NRG3: variants seen among roughly 807,000 people sequenced by gnomAD.
The protein encoded by NRG3 is pro-neuregulin-3, membrane-bound isoform.
A neutral mutation model predicts 66.9 loss-of-function variants in NRG3; 31 were observed. That is an observed-to-expected ratio of 0.46 (90% CI 0.35 to 0.63). NRG3 has a LOEUF of 0.63. Ranked by LOEUF, NRG3 falls within the 20% of genes least tolerant of loss-of-function variation. The pLI is 0.00. For missense variants in NRG3, 910 were observed against 878.9 expected (o/e 1.04, Z -0.45); for synonymous variants, 393 against 359.4 (o/e 1.09, Z -1.06).
At chr10:82,029,213 TA>T (rs1295107081) in intron 1 of NRG3, among the ~76,000 whole-genome samples, 1 of 151,526 alleles carries the variant, frequency 6.6e-6, no homozygotes, top group African/African-American at 2.4e-5. Context: ...CATCTCAAAA[TA>T]AAAAAAAGAA....
At chr10:82,802,089 G>C (rs1239047903) in intron 3 of NRG3, among the ~76,000 whole-genome samples, 1 of 152,178 alleles carries the variant, frequency 6.6e-6, no homozygotes, top group African/African-American at 2.4e-5. Context: ...GTAAAAGAAT[G>C]GGCTGAATCC....
chr10:82,102,755 C>G (rs925899685), intron 1 of NRG3, among the ~76,000 whole-genome samples: 1 of 151,800 alleles, frequency 6.6e-6, no homozygotes, highest in Non-Finnish European at 1.5e-5. Flanking sequence ...CAAACAAAAT[C>G]GGGATGCCTT....
chr10:81,985,579 C>T (rs2060489761), intron 1 of NRG3, among the ~76,000 whole-genome samples: 1 of 152,146 alleles, frequency 6.6e-6, no homozygotes, highest in Admixed American at 6.5e-5. Context: ...ATTATTAATG[C>T]AGGGAGAGAG....
At chr10:81,963,125 C>CT (rs777026850) in intron 1 of NRG3, among the ~76,000 whole-genome samples, 4,995 of 70,030 alleles carry the variant, frequency 0.071, 1,421 homozygotes, top group East Asian at 0.35. Flanking sequence ...CACGAGGGCT[C>CT]TTTTTTTTTT....
chr10:82,501,024 A>C (rs1844129859), intron 2 of NRG3, among the ~76,000 whole-genome samples: 1 of 152,074 alleles, frequency 6.6e-6, no homozygotes, highest in African/African-American at 2.4e-5. Flanking sequence ...TAAGAGGGAA[A>C]ATTAATAAAT....
At chr10:82,043,364 A>C (rs2063130718) in intron 1 of NRG3, among the ~76,000 whole-genome samples, 1 of 152,098 alleles carries the variant, frequency 6.6e-6, no homozygotes, top group Non-Finnish European at 1.5e-5. Flanking sequence ...GTTGGCTCAG[A>C]ATAAAACTTT....
intron 3 of NRG3, among the ~76,000 whole-genome samples, chr10:82,819,452 G>A (rs985619524): frequency 1.3e-5 from 2 of 152,184 alleles, no homozygotes; most frequent in Non-Finnish European, 2.9e-5. Flanking sequence ...AAGAGAAGCA[G>A]CAAAGCCAGC....
chr10:82,921,728 T>G (rs947893710), intron 4 of NRG3, among the ~76,000 whole-genome samples: 1 of 152,174 alleles, frequency 6.6e-6, no homozygotes, highest in East Asian at 1.9e-4. Context: ...AATAAATATG[T>G]GAGAAAATTC....
At chr10:82,894,714 A>G (rs1426516090) in intron 4 of NRG3, among the ~76,000 whole-genome samples, 2 of 152,122 alleles carry the variant, frequency 1.3e-5, no homozygotes, top group South Asian at 2.1e-4. Flanking sequence ...ATCAGGCTCC[A>G]TAAGTTTTGC....
intron 5 of NRG3, among the ~76,000 whole-genome samples, 177 bp downstream of exon 5, chr10:82,951,748 A>G (rs1418462170): frequency 6.6e-6 from 1 of 152,234 alleles, no homozygotes; most frequent in East Asian, 1.9e-4. Context: ...AGGCATGTAC[A>G]TGCATGTATG....
At chr10:81,876,926 A>T (rs1231941665) in intron 1 of NRG3, among the ~76,000 whole-genome samples, 5 of 151,810 alleles carry the variant, frequency 3.3e-5, no homozygotes, top group African/African-American at 1.2e-4. Context: ...CTGACGAAGG[A>T]GGAGTTTTTT....
intron 3 of NRG3, among the ~76,000 whole-genome samples, chr10:82,820,472 T>TA (rs1670831858): frequency 1.3e-5 from 2 of 152,204 alleles, no homozygotes; most frequent in African/African-American, 4.8e-5. Context: ...AGATATCTCT[T>TA]ATGTTTATAT....
At chr10:82,591,326 A>G (rs2046970767) in intron 2 of NRG3, among the ~76,000 whole-genome samples, 1 of 152,196 alleles carries the variant, frequency 6.6e-6, no homozygotes, top group Non-Finnish European at 1.5e-5. Flanking sequence ...TGAAATGGGG[A>G]AAAAATGATA....
intron 2 of NRG3, among the ~76,000 whole-genome samples, chr10:82,383,449 G>A (rs2085760764): frequency 6.6e-6 from 1 of 151,170 alleles, no homozygotes. Context: ...ATTTTCTTTA[G>A]CATTGACTCA....
chr10:82,926,312 T>C (rs1385379031), intron 4 of NRG3, among the ~76,000 whole-genome samples: 1 of 152,180 alleles, frequency 6.6e-6, no homozygotes, highest in Admixed American at 6.5e-5. Flanking sequence ...TAAGAGACTT[T>C]AGTAGCCTTC....
chr10:82,456,863 G>A (rs1348958913), intron 2 of NRG3, among the ~76,000 whole-genome samples: 1 of 152,142 alleles, frequency 6.6e-6, no homozygotes, highest in Non-Finnish European at 1.5e-5. Flanking sequence ...TGCTGAGGAA[G>A]GAAGCCTTTC....
chr10:82,203,131 A>G (rs2074932033), intron 1 of NRG3, among the ~76,000 whole-genome samples: 1 of 152,154 alleles, frequency 6.6e-6, no homozygotes, highest in Non-Finnish European at 1.5e-5. Context: ...CATGTGTAGG[A>G]CGGATTATAG....
At chr10:82,665,178 G>A (rs544032015) in intron 2 of NRG3, among the ~76,000 whole-genome samples, 1 of 152,198 alleles carries the variant, frequency 6.6e-6, no homozygotes, top group East Asian at 1.9e-4. Flanking sequence ...TTCAGAGAAG[G>A]CTGATTTCTA....
chr10:82,596,372 G>A (rs1254354476), intron 2 of NRG3, among the ~76,000 whole-genome samples: 2 of 152,190 alleles, frequency 1.3e-5, no homozygotes, highest in Admixed American at 6.5e-5. Flanking sequence ...ATGAGAAGAA[G>A]GCAGAAGATT....
Sources: gnomAD v4.1 joint callset for allele counts (sites outside exome capture counted in the v4.1 genomes callset) on GRCh38, gnomAD v4.1.1 for gene constraint, MANE v1.5 for transcripts, NCBI Gene and HGNC (gene_info 2026-07-23, HGNC 2026-07-21) for gene names.